The following NTRK3 variants were observed in gnomAD, a reference collection of about 807,000 sequenced individuals.
NTRK3 encodes the protein NT-3 growth factor receptor.
NTRK3 carries 24 observed loss-of-function variants against 91.7 expected under a neutral mutation model. The ratio of observed to expected loss-of-function variants is 0.26; its 90% CI spans 0.19 to 0.37. The LOEUF (loss-of-function observed/expected upper bound fraction) is 0.37. Among genes scored for constraint, NTRK3 ranks in the 10% least tolerant of loss-of-function variants. NTRK3 has a pLI of 1.00. For synonymous variants in NTRK3, 483 were observed against 404.0 expected (o/e 1.20, Z -2.34); for missense variants, 880 against 1,068.9 (o/e 0.82, Z 2.46).
chr15:87,865,783 T>C, exon 19 of NTRK3: 1 of 227,658 alleles, frequency 4.4e-6, no homozygotes, highest in Non-Finnish European at 8.7e-6. Context: ...AAACAAACTC[T>C]AATTGTCCCT....
At position 88,233,384 on chromosome 15, in the gene NTRK3, G is replaced by A. The variant is rs1252540564; in HGVS notation, c.248+22522C>T. ...TATCTGTCCATATCCTTCCCTCCCT[G>A]TGAAGGCAAGGGAATGGGCTGCTGC... On this transcript the variant is annotated intron_variant, in intron 3 of 18. Coordinates refer to ENST00000394480, the Ensembl canonical transcript of NTRK3. This position sits in a 1 kb window ranked among gnomAD's most constrained non-coding sequence, Gnocchi z 4.2. 3.9e-5 allele frequency among the ~76,000 whole-genome samples: 6 copies of A among 152,086 alleles called. No individual in the cohort carries two copies. The highest frequency in any genetic ancestry group is 3.9e-4 in the Admixed American group (6 of 15,270).
chr15:88,183,374 T>C (rs1178172048), intron 5 of NTRK3, 44 bp downstream of exon 5: 2 of 1,595,810 alleles, frequency 1.3e-6, no homozygotes, highest in Admixed American at 1.7e-5. Context: ...GCCCCAAGAG[T>C]ACCTGCCATG....
At chr15:88,097,425 A>T (rs987590358) in intron 13 of NTRK3, among the ~76,000 whole-genome samples, 3 of 152,214 alleles carry the variant, frequency 2.0e-5, no homozygotes, top group African/African-American at 7.2e-5. Context: ...TACACAGTAC[A>T]AGAAGAGGAA....
chr15:87,980,887 C>G (rs2074199545), intron 14 of NTRK3, among the ~76,000 whole-genome samples: 1 of 152,002 alleles, frequency 6.6e-6, no homozygotes, highest in Non-Finnish European at 1.5e-5. Flanking sequence ...TGCCCTGACC[C>G]CAGATAAAGG....
chr15:88,221,770 G>A (rs185302736), intron 3 of NTRK3, among the ~76,000 whole-genome samples: 118 of 152,310 alleles, frequency 7.7e-4, no homozygotes, highest in Non-Finnish European at 1.4e-3. Flanking sequence ...GGGGAGGTGG[G>A]AGGGGGGCTT....
rs181229789 is a variant in NTRK3 at position 88,197,033 on chromosome 15, G to A, written c.249-12734C>T. 6.8e-4 allele frequency among the ~76,000 whole-genome samples: 97 copies of A among 143,420 alleles called. 1 individual carries two copies. The highest frequency in any genetic ancestry group is 2.4e-3 in the African/African-American group (93 of 38,330). The allele number at this position is 143,420 out of a possible 152,430, so 94.1% of individuals were successfully genotyped here. A position where few individuals can be genotyped will look rare whatever the true frequency, so the allele number is the denominator to read the frequency against. On this transcript the variant is annotated intron_variant, in intron 3 of 18. Coordinates refer to ENST00000394480, the Ensembl canonical transcript of NTRK3. ...CAATTTTAACTTATGTACAATACTA[G>A]TGGGTTGGCAAGAGCTAACACAGAG...
intron 13 of NTRK3, among the ~76,000 whole-genome samples, chr15:88,116,355 T>A (rs935742144): frequency 6.6e-6 from 1 of 151,922 alleles, no homozygotes; most frequent in Non-Finnish European, 1.5e-5. Flanking sequence ...GAGGCCCAGA[T>A]GGGTGCATCA....
At chr15:88,082,543 C>T (rs625634) in intron 13 of NTRK3, among the ~76,000 whole-genome samples, 1 of 152,182 alleles carries the variant, frequency 6.6e-6, no homozygotes, top group South Asian at 2.1e-4. Context: ...CAACTGCTAT[C>T]TGACTTCCAT....
intron 14 of NTRK3, among the ~76,000 whole-genome samples, chr15:87,992,165 T>C (rs1171602738): frequency 1.3e-5 from 2 of 152,136 alleles, no homozygotes; most frequent in Non-Finnish European, 2.9e-5. Flanking sequence ...GACTTGAAAG[T>C]GCCACTGTGT....
chr15:87,953,410 C>T (rs1048312527), intron 14 of NTRK3, among the ~76,000 whole-genome samples: 1 of 152,150 alleles, frequency 6.6e-6, no homozygotes, highest in African/African-American at 2.4e-5. Flanking sequence ...CTGGTACTGA[C>T]AGAAACTGAG....
intron 17 of NTRK3, among the ~76,000 whole-genome samples, chr15:87,913,397 C>A (rs2067232264): frequency 6.6e-6 from 1 of 152,144 alleles, no homozygotes; most frequent in Non-Finnish European, 1.5e-5. Flanking sequence ...CCAGCAGAAT[C>A]CCTGAATTGA....
At chr15:87,943,149 T>C (rs528583329) in intron 14 of NTRK3, among the ~76,000 whole-genome samples, 22 of 152,278 alleles carry the variant, frequency 1.4e-4, no homozygotes, top group Non-Finnish European at 2.4e-4. Flanking sequence ...CCTGAAAATA[T>C]GCATTTCTAA....
chr15:88,227,092 C>T (rs1412866294), intron 3 of NTRK3, among the ~76,000 whole-genome samples: 1 of 152,154 alleles, frequency 6.6e-6, no homozygotes, highest in Non-Finnish European at 1.5e-5. Flanking sequence ...AACGATGGTG[C>T]CCCAGCCTTC....
chr15:88,128,391 G>A (rs2053505813), intron 11 of NTRK3, among the ~76,000 whole-genome samples: 1 of 152,062 alleles, frequency 6.6e-6, no homozygotes, highest in Non-Finnish European at 1.5e-5. Flanking sequence ...TGATCAATAG[G>A]GGTCTATTGA....
rs922726215 is a variant in NTRK3 at position 88,255,693 on chromosome 15, C to CAT, written c.248+212_248+213insAT. Among the ~76,000 whole-genome samples the CAT allele has an allele frequency of 1.3e-5, 2 of 152,174 alleles. No individual in the cohort carries two copies. Among genetic ancestry groups the CAT allele is most frequent in the Non-Finnish European group, 2.9e-5 (2 of 68,030 alleles). ...TCCTCTCCGGGGAGAGGCACACACA[C>CAT]GCATAGCCGGATCGCGCCTCGCCAG... On this transcript the variant is annotated intron_variant, in intron 3 of 18. Transcript: ENST00000394480. The surrounding 1 kb of genome is among the most constrained non-coding windows in gnomAD (Gnocchi z 4.3).
chr15:88,135,618 T>C (rs1233640322), intron 9 of NTRK3, among the ~76,000 whole-genome samples: 1 of 152,188 alleles, frequency 6.6e-6, no homozygotes, highest in Non-Finnish European at 1.5e-5. Context: ...TCTTGGGACC[T>C]CTTAGGGGTT....
At chr15:88,114,051 T>C (rs1438809592) in intron 13 of NTRK3, among the ~76,000 whole-genome samples, 5 of 152,030 alleles carry the variant, frequency 3.3e-5, no homozygotes, top group Non-Finnish European at 7.4e-5. Flanking sequence ...CCACCATCAA[T>C]GACTGTCAAG....
At chr15:88,153,267 A>G (rs2043562577) in intron 5 of NTRK3, among the ~76,000 whole-genome samples, 1 of 151,688 alleles carries the variant, frequency 6.6e-6, no homozygotes, top group Admixed American at 6.6e-5. Context: ...TTTGAGATGG[A>G]GTTTCACTCT....
At chr15:87,984,150 C>A (rs112017871) in intron 14 of NTRK3, among the ~76,000 whole-genome samples, 23 of 152,228 alleles carry the variant, frequency 1.5e-4, no homozygotes, top group African/African-American at 5.3e-4. Flanking sequence ...TATAGTCATA[C>A]CCTAACCAAG....
Sources: allele counts gnomAD v4.1 joint callset (sites outside exome capture counted in the v4.1 genomes callset), GRCh38; gene constraint gnomAD v4.1.1; non-coding constraint Gnocchi (gnomAD v3.1); transcripts MANE v1.5; gene names NCBI Gene and HGNC (gene_info 2026-07-23, HGNC 2026-07-21).